The following CYRIA variants were observed in gnomAD, a reference collection of about 807,000 sequenced individuals.
CYRIA encodes the protein CYFIP-related Rac1 interactor A.
Under a neutral mutation model 43.9 loss-of-function variants are expected in CYRIA, and 15 were observed. The observed-to-expected ratio is 0.34, with a 90% CI of 0.23 to 0.53. The LOEUF (loss-of-function observed/expected upper bound fraction) is 0.53, where lower values mean the gene tolerates loss of function less well. Among genes scored for constraint, CYRIA ranks in the 20% least tolerant of loss-of-function variants. The probability of loss-of-function intolerance (pLI) is 0.94; values close to 1 mark genes in which losing one functional copy is unlikely to be tolerated. For synonymous variants in CYRIA, 117 were observed against 136.0 expected, an observed-to-expected ratio of 0.86 and a Z score of 0.97; for missense variants, 236 against 394.2, an observed-to-expected ratio of 0.60 and a Z score of 3.40.
chr2:16,652,114 G>C (rs1222061978), intron 1 of CYRIA, among the ~76,000 whole-genome samples: 2 of 152,004 alleles, frequency 1.3e-5, no homozygotes, highest in Non-Finnish European at 1.5e-5. Context: ...TGTAACTATG[G>C]GGTCCATCCT....
chr2:16,616,844 A>G (rs867401252), intron 2 of CYRIA, among the ~76,000 whole-genome samples: 2 of 152,240 alleles, frequency 1.3e-5, no homozygotes, highest in Non-Finnish European at 2.9e-5. Flanking sequence ...GGTTGGTGCT[A>G]TTAGTCTTCT....
At chr2:16,561,885 G>C (rs1666748020) in intron 6 of CYRIA, 120 bp downstream of exon 6, 1 of 917,748 alleles carries the variant, frequency 1.1e-6, no homozygotes. Flanking sequence ...GTCTCTCTAG[G>C]GAAGGAATTA....
At chr2:16,658,823 G>A (rs1670177843) in intron 1 of CYRIA, among the ~76,000 whole-genome samples, 1 of 152,068 alleles carries the variant, frequency 6.6e-6, no homozygotes, top group African/African-American at 2.4e-5. Flanking sequence ...GAGCAGGGGT[G>A]TTCATCAGCA....
At chr2:16,567,864 G>C (rs1466579083) in intron 3 of CYRIA, among the ~76,000 whole-genome samples, 1 of 151,660 alleles carries the variant, frequency 6.6e-6, no homozygotes, top group Non-Finnish European at 1.5e-5. Context: ...GGAAAGAGTG[G>C]AAACAGTTAC....
intron 1 of CYRIA, among the ~76,000 whole-genome samples, chr2:16,651,801 C>A (rs1020314063): frequency 6.6e-6 from 1 of 151,818 alleles, no homozygotes; most frequent in Non-Finnish European, 1.5e-5. Context: ...TTTAATTTCC[C>A]CATTTTAAAA....
chr2:16,610,220 G>A (rs531973683), intron 2 of CYRIA, among the ~76,000 whole-genome samples: 1 of 152,280 alleles, frequency 6.6e-6, no homozygotes, highest in East Asian at 1.9e-4. Context: ...TTTTAGAAAC[G>A]AGAACACTGA....
At chr2:16,588,249 A>T in intron 2 of CYRIA, 120 bp from the exon 3 acceptor site, 2 of 583,240 alleles carry the variant, frequency 3.4e-6, no homozygotes, top group East Asian at 5.8e-5. Flanking sequence ...TCTCCAACCC[A>T]GGGGTTGAGC....
At chr2:16,587,925 C>T in intron 3 of CYRIA, 125 bp downstream of exon 3, 1 of 586,862 alleles carries the variant, frequency 1.7e-6, no homozygotes, top group Non-Finnish European at 3.0e-6. Context: ...AGCATGAGAA[C>T]AGACTAATAC....
intron 2 of CYRIA, 67 bp from the exon 3 acceptor site, chr2:16,588,196 C>T: frequency 4.9e-6 from 5 of 1,021,048 alleles, no homozygotes; most frequent in Non-Finnish European, 7.3e-6. Flanking sequence ...CGTGAATATC[C>T]CTGGGCCCCC....
chr2:16,639,142 G>A (rs896683262), intron 1 of CYRIA, among the ~76,000 whole-genome samples: 1 of 152,188 alleles, frequency 6.6e-6, no homozygotes, highest in Non-Finnish European at 1.5e-5. Context: ...TTACTGTCTG[G>A]AAGGCCCTGC....
chr2:16,562,872 T>C (rs1666791543), intron 5 of CYRIA, among the ~76,000 whole-genome samples: 1 of 150,514 alleles, frequency 6.6e-6, no homozygotes, highest in African/African-American at 2.5e-5. Flanking sequence ...TGACTAGGGC[T>C]GCCTTTACAT....
At chr2:16,587,381 A>G (rs1355490980) in intron 3 of CYRIA, among the ~76,000 whole-genome samples, 5 of 152,126 alleles carry the variant, frequency 3.3e-5, no homozygotes, top group Non-Finnish European at 7.4e-5. Flanking sequence ...TGCTCAATAA[A>G]TGTGGGCTTA....
intron 3 of CYRIA, 43 bp downstream of exon 3, chr2:16,588,007 G>A: frequency 8.2e-7 from 1 of 1,220,710 alleles, no homozygotes; most frequent in Non-Finnish European, 1.2e-6. Flanking sequence ...CAATCTATAA[G>A]GAATGTAAAA....
intron 1 of CYRIA, among the ~76,000 whole-genome samples, chr2:16,662,642 G>A (rs188268542): frequency 4.6e-5 from 7 of 152,298 alleles, no homozygotes; most frequent in African/African-American, 1.7e-4. Context: ...AGTAAGAAAG[G>A]CAGTCCTGGC....
chr2:16,663,842 G>A (rs919720792), intron 1 of CYRIA, among the ~76,000 whole-genome samples: 1 of 152,008 alleles, frequency 6.6e-6, no homozygotes, highest in African/African-American at 2.4e-5. Flanking sequence ...CTATAGTGTG[G>A]GTTTAGGCAG....
chr2:16,571,419 AC>A (rs1024763935), intron 3 of CYRIA, among the ~76,000 whole-genome samples: 4 of 152,192 alleles, frequency 2.6e-5, no homozygotes, highest in African/African-American at 9.7e-5. Context: ...TCTTCGGTGA[AC>A]CTGCCACAGG....
intron 2 of CYRIA, among the ~76,000 whole-genome samples, chr2:16,612,701 G>A (rs950730388): frequency 5.8e-4 from 88 of 152,314 alleles, no homozygotes; most frequent in African/African-American, 1.9e-3. Flanking sequence ...GCTGAGCTGC[G>A]TGAGAAGTCC....
intron 2 of CYRIA, among the ~76,000 whole-genome samples, chr2:16,608,659 T>C (rs1668488677): frequency 7.1e-6 from 1 of 140,400 alleles, no homozygotes. Flanking sequence ...CTTTTTAGTA[T>C]TGTTACTAAG....
At chr2:16,618,183 G>A (rs544749021) in intron 2 of CYRIA, among the ~76,000 whole-genome samples, 3 of 152,216 alleles carry the variant, frequency 2.0e-5, no homozygotes, top group Non-Finnish European at 4.4e-5. Context: ...CAGGATGAGA[G>A]TGTGCTCGAA....
Sources: allele counts gnomAD v4.1 joint callset (sites outside exome capture counted in the v4.1 genomes callset), GRCh38; gene constraint gnomAD v4.1.1; transcripts MANE v1.5; gene names NCBI Gene and HGNC (gene_info 2026-07-23, HGNC 2026-07-21).